FGD4: variants seen among roughly 807,000 people sequenced by gnomAD.
The protein encoded by FGD4 is FYVE, RhoGEF and PH domain containing 4, also known as FYVE, RhoGEF and PH domain-containing protein 4.
A neutral mutation model predicts 102.0 loss-of-function variants in FGD4; 42 were observed. That is an observed-to-expected ratio of 0.41 (90% CI 0.32 to 0.53). The LOEUF (loss-of-function observed/expected upper bound fraction) is 0.53, where lower values mean the gene tolerates loss of function less well. FGD4 is among the 20% of genes least tolerant of loss of function. The pLI is 0.21. For synonymous variants in FGD4, 380 were observed against 375.7 expected, an observed-to-expected ratio of 1.01 and a Z score of -0.13; for missense variants, 902 against 1,078.2, an observed-to-expected ratio of 0.84 and a Z score of 2.29.
chr12:32,556,217 CT>C (rs56948665), intron 1 of FGD4, among the ~76,000 whole-genome samples: 3,389 of 152,118 alleles, frequency 0.022, 128 homozygotes, highest in African/African-American at 0.077. Context: ...TATTTCTTGA[CT>C]TTTCCTTGGT....
Position 32,604,079 on chromosome 12 carries a change from T to C in FGD4, c.1404+1762T>C, listed in dbSNP as rs571068648. Among the ~76,000 whole-genome samples the C allele has an allele frequency of 9.8e-5, 15 of 152,338 alleles. 1 individual carries two copies. Among genetic ancestry groups the C allele is most frequent in the African/African-American group, 3.4e-4 (14 of 41,582 alleles). ...GATGAGAAGCCAGCCATTGATTGTA[T>C]TGATACTCCCATGCGTGTGATGAGT... On this transcript the variant is annotated intron_variant, in intron 7 of 16. Coordinates refer to ENST00000534526, the MANE Select transcript of FGD4 (RefSeq NM_001370298.3).
At position 32,601,289 on chromosome 12, in the gene FGD4, C is replaced by T. The variant is rs1023107131; in HGVS notation, c.1113C>T (p.Cys371=). The T allele has an allele frequency of 5.0e-6, 8 of 1,613,996 alleles. No individual in the cohort carries two copies. Among genetic ancestry groups the T allele is most frequent in the Non-Finnish European group, 1.7e-6 (2 of 1,179,944 alleles). Residue 371 remains cysteine, a synonymous_variant, in exon 6 of 17, where the codon TGC becomes TGT. Transcript: ENST00000534526. ...RLDLLDQVFY[C]KLLEEANRGS... ...ATTCTTTTATTCAGGTATTTTATTG[C>T]AAACTGTTGGAAGAAGCAAACCGAG...
chr12:32,426,387 A>C (rs1276785233), intron 1 of FGD4, among the ~76,000 whole-genome samples: 1 of 152,154 alleles, frequency 6.6e-6, no homozygotes, highest in Non-Finnish European at 1.5e-5. Context: ...AGTATGTTGA[A>C]CCAGGCTTGC....
At chr12:32,482,815 C>T (rs1943801072) in intron 1 of FGD4, among the ~76,000 whole-genome samples, 1 of 152,168 alleles carries the variant, frequency 6.6e-6, no homozygotes, top group African/African-American at 2.4e-5. Context: ...GATAAGCAGA[C>T]GTTCTGCACT....
At chr12:32,473,921 A>G (rs1376088518) in intron 1 of FGD4, among the ~76,000 whole-genome samples, 1 of 152,014 alleles carries the variant, frequency 6.6e-6, no homozygotes, top group Non-Finnish European at 1.5e-5. Flanking sequence ...CCCTGTCTCT[A>G]CTAAAAAATA....
chr12:32,497,350 C>T (rs1286570435), intron 1 of FGD4, among the ~76,000 whole-genome samples: 1 of 152,104 alleles, frequency 6.6e-6, no homozygotes. Flanking sequence ...CTCTAAATCA[C>T]TTTCATGAAA....
chr12:32,545,172 T>A (rs534998515), intron 1 of FGD4, among the ~76,000 whole-genome samples: 13 of 152,294 alleles, frequency 8.5e-5, no homozygotes, highest in African/African-American at 3.1e-4. Flanking sequence ...ACTGACACAA[T>A]CGCATGGTAG....
chr12:32,564,040 G>C, intron 1 of FGD4, 97 bp from the exon 2 acceptor site: 1 of 1,103,996 alleles, frequency 9.1e-7, no homozygotes, highest in Non-Finnish European at 1.2e-6. Context: ...AGGGGGAGGG[G>C]GAGGGAGAGG....
intron 1 of FGD4, among the ~76,000 whole-genome samples, chr12:32,404,940 T>A (rs1305848032): frequency 6.6e-6 from 1 of 152,062 alleles, no homozygotes; most frequent in Non-Finnish European, 1.5e-5. Context: ...TTATTTTTTA[T>A]TTTTATTTTT....
chr12:32,505,358 G>A (rs770116918), intron 1 of FGD4, among the ~76,000 whole-genome samples: 10 of 152,316 alleles, frequency 6.6e-5, no homozygotes, highest in Non-Finnish European at 8.8e-5. Context: ...GAAAGCATGC[G>A]TGTGAACGAT....
intron 1 of FGD4, among the ~76,000 whole-genome samples, chr12:32,556,092 T>C (rs1944092199): frequency 6.6e-6 from 1 of 152,136 alleles, no homozygotes; most frequent in Non-Finnish European, 1.5e-5. Context: ...CCTCTCTCCG[T>C]GGCGTCCCTA....
chr12:32,447,263 C>A (rs995351582), intron 1 of FGD4, among the ~76,000 whole-genome samples: 2 of 152,112 alleles, frequency 1.3e-5, no homozygotes, highest in African/African-American at 4.8e-5. Flanking sequence ...GAAAATAAAA[C>A]CCTTGCTTGT....
At chr12:32,513,619 A>C (rs2136688406) in intron 1 of FGD4, among the ~76,000 whole-genome samples, 1 of 152,362 alleles carries the variant, frequency 6.6e-6, no homozygotes, top group East Asian at 1.9e-4. Context: ...GACTGGCACA[A>C]GGATGTACAA....
At chr12:32,557,679 G>A (rs531525805) in intron 1 of FGD4, among the ~76,000 whole-genome samples, 26 of 152,256 alleles carry the variant, frequency 1.7e-4, no homozygotes, top group African/African-American at 6.0e-4. Flanking sequence ...TTATTATTCA[G>A]GTTTAGAAGT....
chr12:32,435,069 G>A lies in FGD4; in HGVS notation c.166+35110G>A, dbSNP rs920884278. 2.0e-5 allele frequency among the ~76,000 whole-genome samples: 3 copies of A among 151,716 alleles called. No individual in the cohort carries two copies. In the East Asian group the frequency reaches 5.8e-4, roughly 29 times the overall value. ...AGTGATTCTCCTGTCTCAGCCTCCCGAGTAGCTGGGATTACAGGCATGCGC... is the reference window on the plus strand; with the variant it reads ...AGTGATTCTCCTGTCTCAGCCTCCCAAGTAGCTGGGATTACAGGCATGCGC... On this transcript the variant is annotated intron_variant, in intron 1 of 16. Transcript: ENST00000534526.
chr12:32,411,077 C>T (rs969682703), intron 1 of FGD4, among the ~76,000 whole-genome samples: 4 of 150,894 alleles, frequency 2.7e-5, no homozygotes, highest in Non-Finnish European at 4.4e-5. Flanking sequence ...ATTACAGGCG[C>T]GCCACCACGC....
intron 1 of FGD4, among the ~76,000 whole-genome samples, chr12:32,537,032 C>T (rs1942336552): frequency 6.6e-6 from 1 of 151,888 alleles, no homozygotes; most frequent in South Asian, 2.1e-4. Flanking sequence ...CCTCAGCCTC[C>T]CGAGTAGCTG....
intron 1 of FGD4, among the ~76,000 whole-genome samples, chr12:32,430,365 C>G (rs925529971): frequency 6.6e-6 from 1 of 151,928 alleles, no homozygotes; most frequent in African/African-American, 2.4e-5. Flanking sequence ...GAAATAGTTT[C>G]CTGATCTTTG....
intron 1 of FGD4, among the ~76,000 whole-genome samples, chr12:32,477,937 G>T (rs78159911): frequency 1.3e-5 from 2 of 152,178 alleles, no homozygotes; most frequent in African/African-American, 2.4e-5. Context: ...ATTCACTCGA[G>T]TCATCTATTA....
Sources: allele counts gnomAD v4.1 joint callset (sites outside exome capture counted in the v4.1 genomes callset), GRCh38; gene constraint gnomAD v4.1.1; transcripts MANE v1.5; gene names NCBI Gene and HGNC (gene_info 2026-07-23, HGNC 2026-07-21).